The following TMEM135 variants were observed in gnomAD, a reference collection of about 807,000 sequenced individuals.
TMEM135 encodes the protein peroxisomal membrane protein 52.
TMEM135 carries 30 observed loss-of-function variants against 60.3 expected under a neutral mutation model. The observed-to-expected ratio is 0.50, with a 90% CI of 0.37 to 0.68. The LOEUF (loss-of-function observed/expected upper bound fraction) is 0.68, where lower values mean the gene tolerates loss of function less well. Ranked by LOEUF, TMEM135 falls within the 30% of genes least tolerant of loss-of-function variation. The pLI is 0.00. For missense variants in TMEM135, 468 were observed against 548.8 expected (o/e 0.85, Z 1.47); for synonymous variants, 190 against 186.7 (o/e 1.02, Z -0.14).
chr11:87,198,719 C>T (rs1009687658), intron 5 of TMEM135, among the ~76,000 whole-genome samples: 5 of 148,614 alleles, frequency 3.4e-5, no homozygotes, highest in African/African-American at 1.2e-4. Flanking sequence ...TTTTTTTTTG[C>T]AATGGATGAG....
chr11:87,246,289 T>G (rs1447949192), intron 6 of TMEM135, among the ~76,000 whole-genome samples: 3 of 150,384 alleles, frequency 2.0e-5, no homozygotes, highest in African/African-American at 7.4e-5. Flanking sequence ...TTAACATTTT[T>G]TCCTTCATTT....
At chr11:87,137,156 C>T (rs760218714) in intron 4 of TMEM135, among the ~76,000 whole-genome samples, 4 of 151,838 alleles carry the variant, frequency 2.6e-5, no homozygotes, top group Non-Finnish European at 5.9e-5. Flanking sequence ...TATTTTAAAG[C>T]TCTGTTTTTA....
chr11:87,195,880 G>T (rs867418697), intron 5 of TMEM135, among the ~76,000 whole-genome samples: 3 of 152,252 alleles, frequency 2.0e-5, no homozygotes, highest in African/African-American at 4.8e-5. Context: ...GTTTATGGTG[G>T]TTTTTTAAAA....
chr11:87,046,270 G>GGT (rs1383641166), intron 1 of TMEM135, among the ~76,000 whole-genome samples: 1 of 152,186 alleles, frequency 6.6e-6, no homozygotes, highest in African/African-American at 2.4e-5. Flanking sequence ...CCAGCGTGGT[G>GGT]GTGGGCATCT....
At chr11:87,317,298 T>A (rs1942749065) in intron 12 of TMEM135, among the ~76,000 whole-genome samples, 2 of 152,098 alleles carry the variant, frequency 1.3e-5, no homozygotes. Flanking sequence ...CTGAATTAAA[T>A]CTTCAACATG....
In TMEM135 at chr11:87,067,926, C is replaced by T. The variant is rs370978925; in HGVS notation, c.269+105C>T. 34 of 1,404,016 alleles carry T rather than the reference C, an allele frequency of 2.4e-5. No individual in the cohort carries two copies. In the Admixed American group the frequency reaches 5.9e-4, roughly 24 times the overall value. 87.0% of individuals were successfully genotyped at this position (1,404,016 alleles called of 1,614,324 possible). On this transcript the variant is annotated intron_variant, in intron 2 of 14. Coordinates refer to ENST00000305494, the MANE Select transcript of TMEM135 (RefSeq NM_022918.4). ...TATGTGGGTTACTATCCCCGCCCCC[C>T]CTTTTTTTAATCTGTGAAGTGACAT...
At chr11:87,073,489 C>G (rs1856811165) in intron 3 of TMEM135, among the ~76,000 whole-genome samples, 1 of 152,124 alleles carries the variant, frequency 6.6e-6, no homozygotes, top group Non-Finnish European at 1.5e-5. Context: ...TCAGCAAAAT[C>G]AAGTCAGTAA....
chr11:87,200,869 G>T (rs1940078842), intron 5 of TMEM135, among the ~76,000 whole-genome samples: 1 of 152,046 alleles, frequency 6.6e-6, no homozygotes, highest in African/African-American at 2.4e-5. Context: ...TAAATGTATG[G>T]TATGTAGACT....
intron 5 of TMEM135, among the ~76,000 whole-genome samples, chr11:87,216,634 TAAAA>T (rs1940508726): frequency 6.6e-6 from 1 of 152,144 alleles, no homozygotes; most frequent in Non-Finnish European, 1.5e-5. Flanking sequence ...TTTCTTTGCT[TAAAA>T]AACAAAACTT....
chr11:87,119,576 G>A (rs184556518), intron 4 of TMEM135, among the ~76,000 whole-genome samples: 3 of 152,192 alleles, frequency 2.0e-5, no homozygotes, highest in Non-Finnish European at 2.9e-5. Flanking sequence ...GGTGATGCAC[G>A]CCTGTAATCC....
At chr11:87,133,878 T>A (rs150709353) in intron 4 of TMEM135, among the ~76,000 whole-genome samples, 41 of 152,348 alleles carry the variant, frequency 2.7e-4, no homozygotes, top group African/African-American at 9.4e-4. Context: ...TTCATTTTTA[T>A]TGCCGATAAG....
chr11:87,159,593 GCA>G (rs146638445), intron 5 of TMEM135, among the ~76,000 whole-genome samples: 16,309 of 124,698 alleles, frequency 0.13, 926 homozygotes, highest in African/African-American at 0.16. Flanking sequence ...ACACACACGC[GCA>G]CACACACACA....
At chr11:87,071,963 G>C (rs1441592242) in intron 3 of TMEM135, among the ~76,000 whole-genome samples, 1 of 152,036 alleles carries the variant, frequency 6.6e-6, no homozygotes, top group Non-Finnish European at 1.5e-5. Context: ...GAGGCGGGTG[G>C]CTCACTTGAG....
intron 4 of TMEM135, among the ~76,000 whole-genome samples, chr11:87,109,337 A>G (rs578199904): frequency 7.2e-5 from 11 of 152,302 alleles, no homozygotes; most frequent in African/African-American, 2.6e-4. Flanking sequence ...AATGAAGTTT[A>G]ATTTATAAAT....
At chr11:87,219,595 C>T (rs518787) in intron 5 of TMEM135, among the ~76,000 whole-genome samples, 45,167 of 151,908 alleles carry the variant, frequency 0.3, 7,516 homozygotes, top group African/African-American at 0.45. Flanking sequence ...ACCAATCTTA[C>T]TGGATTAGGG....
chr11:87,120,116 C>CTT (rs57519689), intron 4 of TMEM135, among the ~76,000 whole-genome samples: 5 of 112,830 alleles, frequency 4.4e-5, no homozygotes, highest in African/African-American at 9.8e-5. Flanking sequence ...TCTTCTTCTT[C>CTT]TTTTTTTTTT....
chr11:87,248,232 G>T (rs917660766), intron 6 of TMEM135, among the ~76,000 whole-genome samples: 3 of 152,126 alleles, frequency 2.0e-5, no homozygotes, highest in Admixed American at 6.5e-5. Context: ...TGAGATTGCT[G>T]TTTCATATTG....
At chr11:87,038,338 A>AG in intron 1 of TMEM135, 152 bp downstream of exon 1, 1 of 395,148 alleles carries the variant, frequency 2.5e-6, no homozygotes, top group Non-Finnish European at 4.9e-6. Context: ...GGTAGGGGGA[A>AG]GGGGGAGGTC....
intron 4 of TMEM135, among the ~76,000 whole-genome samples, chr11:87,129,213 A>ATTTTTTTTTTTTTTTTTTT (rs71040295): frequency 1.0e-4 from 12 of 116,262 alleles, no homozygotes; most frequent in South Asian, 2.8e-4. Context: ...TTATTCCTTA[A>ATTTTTTTTTTTTTTTTTTT]TTTTTTTTTT....
Sources: allele counts gnomAD v4.1 joint callset (sites outside exome capture counted in the v4.1 genomes callset), GRCh38; gene constraint gnomAD v4.1.1; transcripts MANE v1.5; gene names NCBI Gene and HGNC (gene_info 2026-07-23, HGNC 2026-07-21).